RGS5: variants seen among roughly 807,000 people sequenced by gnomAD.
The protein encoded by RGS5 is regulator of G protein signaling 5, also known as regulator of G-protein signalling 5.
In RGS5, 20 loss-of-function variants were observed where a neutral mutation model predicts 18.9. That is an observed-to-expected ratio of 1.06 (90% confidence interval 0.74 to 1.54). The LOEUF (loss-of-function observed/expected upper bound fraction) is 1.54, where lower values mean the gene tolerates loss of function less well. RGS5 is among the 40% of genes most tolerant of loss of function. The pLI, the probability that RGS5 is intolerant of heterozygous loss-of-function variation, is 0.00. For missense variants in RGS5, 201 were observed against 211.8 expected (o/e 0.95, Z 0.32); for synonymous variants, 57 against 76.2 (o/e 0.75, Z 1.31).
At chr1:163,247,350 G>A (rs1452274945) in intron 2 of RGS5, among the ~76,000 whole-genome samples, 4 of 152,076 alleles carry the variant, frequency 2.6e-5, no homozygotes, top group Admixed American at 6.5e-5. Flanking sequence ...TTCTCAGCAC[G>A]GAGATATGGT....
chr1:163,178,979 G>T lies in RGS5; in HGVS notation c.45-10611C>A, dbSNP rs543746711. 5.9e-5 allele frequency among the ~76,000 whole-genome samples: 9 copies of T among 152,284 alleles called. 1 individual carries two copies. Among genetic ancestry groups the T allele is most frequent in the African/African-American group, 2.2e-4 (9 of 41,550 alleles). On this transcript the variant is annotated intron_variant, in intron 1 of 4. Coordinates refer to ENST00000313961, the MANE Select transcript of RGS5 (RefSeq NM_003617.4). Reference sequence around the variant, plus strand: ...AGTCAAAAGTAACGTGTTGAATTGTGTTAAATCTTCCCCACATTTGAGAGA... The same window carrying T: ...AGTCAAAAGTAACGTGTTGAATTGTTTTAAATCTTCCCCACATTTGAGAGA...
chr1:163,315,171 A>AT (rs1457687020), intron 1 of RGS5, among the ~76,000 whole-genome samples: 1 of 152,138 alleles, frequency 6.6e-6, no homozygotes, highest in African/African-American at 2.4e-5. Flanking sequence ...TAAGATCAGT[A>AT]TTTTTCCTGA....
intron 1 of RGS5, among the ~76,000 whole-genome samples, chr1:163,313,562 A>C (rs1649931878): frequency 6.6e-6 from 1 of 152,202 alleles, no homozygotes; most frequent in African/African-American, 2.4e-5. Flanking sequence ...AGGTCTGTGT[A>C]AGACTGCCAA....
At chr1:163,237,068 A>C (rs996892395) in intron 2 of RGS5, 3 of 152,242 alleles carry the variant, frequency 2.0e-5, no homozygotes, top group African/African-American at 7.2e-5. Flanking sequence ...TGCACTTACA[A>C]AAAAAGGTTA....
intron 1 of RGS5, among the ~76,000 whole-genome samples, chr1:163,316,605 G>A (rs1243116134): frequency 2.6e-5 from 4 of 151,184 alleles, no homozygotes; most frequent in Non-Finnish European, 5.9e-5. Context: ...AAGCTAATAT[G>A]ATATAATATC....
chr1:163,232,335 T>G (rs556385375), intron 2 of RGS5, among the ~76,000 whole-genome samples: 1 of 152,334 alleles, frequency 6.6e-6, no homozygotes, highest in African/African-American at 2.4e-5. Flanking sequence ...AAGTTTCCTG[T>G]GCCTTCTGAA....
intron 1 of RGS5, among the ~76,000 whole-genome samples, chr1:163,317,790 T>A (rs1650066658): frequency 6.6e-6 from 1 of 152,178 alleles, no homozygotes; most frequent in Non-Finnish European, 1.5e-5. Context: ...AATACTTGTT[T>A]TTTACCCTTT....
upstream of RGS5, among the ~76,000 whole-genome samples, chr1:163,221,095 G>T (rs1647218156): frequency 6.6e-6 from 1 of 152,136 alleles, no homozygotes; most frequent in Non-Finnish European, 1.5e-5. Context: ...AGACACTCTG[G>T]TCAGCCCTTC....
At chr1:163,254,839 G>A (rs1648225014) in intron 2 of RGS5, among the ~76,000 whole-genome samples, 6 of 149,548 alleles carry the variant, frequency 4.0e-5, no homozygotes, top group African/African-American at 9.8e-5. Flanking sequence ...GTGTAAGGAA[G>A]GGATCCAGTT....
chr1:163,190,046 T>G (rs1571266411), intron 1 of RGS5, among the ~76,000 whole-genome samples: 1 of 152,324 alleles, frequency 6.6e-6, no homozygotes. Context: ...ACATTGTCTC[T>G]GACTGGGGAG....
At chr1:163,203,024 C>A, upstream of RGS5, 1 of 567,728 alleles carries the variant, frequency 1.8e-6, no homozygotes, top group Non-Finnish European at 3.2e-6. Context: ...AGAGCAGCAG[C>A]AGTGGGCCCT....
upstream of RGS5, among the ~76,000 whole-genome samples, chr1:163,222,038 G>T (rs1225014445): frequency 6.6e-6 from 1 of 152,076 alleles, no homozygotes; most frequent in East Asian, 1.9e-4. Flanking sequence ...TCTGCCAGTT[G>T]CCAATACAGC....
At chr1:163,179,107 G>A (rs1319992008) in intron 1 of RGS5, among the ~76,000 whole-genome samples, 4 of 152,170 alleles carry the variant, frequency 2.6e-5, no homozygotes, top group Non-Finnish European at 5.9e-5. Context: ...TGTTCCTAGA[G>A]AGAAAGTCAA....
intron 1 of RGS5, among the ~76,000 whole-genome samples, chr1:163,307,568 G>C (rs1258695904): frequency 2.6e-5 from 4 of 151,942 alleles, no homozygotes; most frequent in Admixed American, 2.6e-4. Context: ...GATTAGGAAA[G>C]TACTGTACTT....
At chr1:163,232,114 C>A (rs12080108) in intron 2 of RGS5, among the ~76,000 whole-genome samples, 32,346 of 142,778 alleles carry the variant, frequency 0.23, 3,679 homozygotes, top group African/African-American at 0.32. Context: ...GCAAAGATGG[C>A]GGGGGTGGGG....
intron 2 of RGS5, chr1:163,245,102 A>G (rs754942372): frequency 7.2e-5 from 11 of 152,342 alleles, no homozygotes; most frequent in Middle Eastern, 3.4e-3. Flanking sequence ...ACAACAATGA[A>G]AAAGATTTTT....
intron 2 of RGS5, among the ~76,000 whole-genome samples, chr1:163,251,078 A>G (rs577958574): frequency 4.6e-5 from 7 of 152,170 alleles, no homozygotes; most frequent in Non-Finnish European, 1.0e-4. Context: ...TTCAACCCCG[A>G]AGGTTATCTA....
intron 2 of RGS5, among the ~76,000 whole-genome samples, chr1:163,288,929 A>C (rs1347823349): frequency 6.6e-6 from 1 of 152,096 alleles, no homozygotes; most frequent in South Asian, 2.1e-4. Context: ...GACAATTCTC[A>C]TCTTTCTCGA....
At chr1:163,205,086 G>A (rs77868258), upstream of RGS5, among the ~76,000 whole-genome samples, 2,145 of 152,196 alleles carry the variant, frequency 0.014, 27 homozygotes, top group Non-Finnish European at 0.021. Context: ...ACTTTGTAAG[G>A]ATGGGATAGC....
Sources: gnomAD v4.1 joint callset for allele counts (sites outside exome capture counted in the v4.1 genomes callset) on GRCh38, gnomAD v4.1.1 for gene constraint, MANE v1.5 for transcripts, NCBI Gene and HGNC (gene_info 2026-07-23, HGNC 2026-07-21) for gene names.